Variants in ZMIZ1 observed in about 807,000 individuals in gnomAD.
ZMIZ1 encodes the protein zinc finger MIZ-type containing 1, also known as zinc finger MIZ domain-containing protein 1.
In ZMIZ1, 17 loss-of-function variants were observed where a neutral mutation model predicts 113.9. The ratio of observed to expected loss-of-function variants is 0.15; its 90% CI spans 0.10 to 0.22. ZMIZ1 has a LOEUF of 0.22. Among genes scored for constraint, ZMIZ1 ranks in the 10% least tolerant of loss-of-function variants. The pLI, the probability that ZMIZ1 is intolerant of heterozygous loss-of-function variation, is 1.00. For synonymous variants in ZMIZ1, 607 were observed against 603.1 expected (o/e 1.01, Z -0.09); for missense variants, 1,059 against 1,477.8 (o/e 0.72, Z 4.65).
At chr10:79,195,241 G>A (rs1233099596) in intron 4 of ZMIZ1, among the ~76,000 whole-genome samples, 1 of 152,238 alleles carries the variant, frequency 6.6e-6, no homozygotes, top group Admixed American at 6.5e-5. Context: ...GCCCGATCCT[G>A]TGCTTTGCAG....
intron 1 of ZMIZ1, among the ~76,000 whole-genome samples, chr10:79,113,123 C>T (rs1227217608): frequency 6.6e-6 from 1 of 152,168 alleles, no homozygotes; most frequent in Non-Finnish European, 1.5e-5. Context: ...CCTGGCCTGC[C>T]TTCGGAGCCT....
At chr10:79,180,171 C>G (rs1328921193) in intron 4 of ZMIZ1, among the ~76,000 whole-genome samples, 1 of 152,194 alleles carries the variant, frequency 6.6e-6, no homozygotes, top group African/African-American at 2.4e-5. Context: ...CAGGGACAGC[C>G]CTCAGGGGGC....
intron 18 of ZMIZ1, among the ~76,000 whole-genome samples, chr10:79,302,926 A>G (rs1167377167): frequency 7.1e-6 from 1 of 140,032 alleles, no homozygotes; most frequent in African/African-American, 2.7e-5. Flanking sequence ...CAGTGGTGCT[A>G]TCTCCGCTCA....
At chr10:79,076,678 A>G (rs1257278249) in intron 1 of ZMIZ1, among the ~76,000 whole-genome samples, 2 of 152,140 alleles carry the variant, frequency 1.3e-5, no homozygotes, top group African/African-American at 2.4e-5. Flanking sequence ...TGCTAAAGAT[A>G]CAAAAATTAT....
At chr10:79,213,532 G>C (rs1365913664) in intron 6 of ZMIZ1, among the ~76,000 whole-genome samples, 1 of 152,198 alleles carries the variant, frequency 6.6e-6, no homozygotes, top group East Asian at 1.9e-4. Context: ...CCACCCGGCT[G>C]GCCCTTAGAG....
intron 15 of ZMIZ1, 31 bp from the exon 16 acceptor site, chr10:79,299,019 G>A (rs1359835147): frequency 6.3e-7 from 1 of 1,584,652 alleles, no homozygotes; most frequent in Non-Finnish European, 8.6e-7. Flanking sequence ...GCTGAGGCTT[G>A]TGGCTCACCC....
At chr10:79,158,201 G>A (rs1296407317) in intron 3 of ZMIZ1, among the ~76,000 whole-genome samples, 1 of 152,172 alleles carries the variant, frequency 6.6e-6, no homozygotes, top group African/African-American at 2.4e-5. Context: ...CAGCTATCAG[G>A]GCCAAGGCAC....
At position 79,312,568 on chromosome 10, in the gene ZMIZ1, G is replaced by T. The variant is rs1037414894; in HGVS notation, c.3097-74G>T. 3 of 1,506,812 alleles carry T rather than the reference G, an allele frequency of 2.0e-6. No homozygotes were observed. In the African/African-American group the frequency reaches 4.1e-5, roughly 21 times the overall value. 93.3% of individuals were successfully genotyped at this position (1,506,812 alleles called of 1,614,324 possible). ...CAGGTGGAGGGGGACGGGCCAGGGC[G>T]CCCCTGCATTCCTCACCCGGGGCCT... On this transcript the variant is annotated intron_variant, in intron 24 of 24. Transcript: ENST00000334512.
intron 1 of ZMIZ1, among the ~76,000 whole-genome samples, chr10:79,081,038 C>T (rs1336705472): frequency 6.6e-6 from 1 of 152,188 alleles, no homozygotes; most frequent in Non-Finnish European, 1.5e-5. Flanking sequence ...CCCCATAGAG[C>T]ACCTTCCCAT....
chr10:79,277,374 G>T, intron 8 of ZMIZ1, 49 bp downstream of exon 8: 1 of 1,517,600 alleles, frequency 6.6e-7, no homozygotes, highest in Non-Finnish European at 8.8e-7. Flanking sequence ...ACACCCCTCT[G>T]GTCTCAGATC....
chr10:79,280,872 A>C (rs1024258907), intron 8 of ZMIZ1, among the ~76,000 whole-genome samples: 6 of 152,158 alleles, frequency 3.9e-5, no homozygotes, highest in Non-Finnish European at 5.9e-5. Flanking sequence ...GCCGCTGAGC[A>C]CAGGCTGCAG....
intron 1 of ZMIZ1, among the ~76,000 whole-genome samples, chr10:79,093,698 T>C (rs936435985): frequency 5.9e-5 from 9 of 152,206 alleles, no homozygotes; most frequent in South Asian, 4.2e-4. Flanking sequence ...CAGAAGGCGT[T>C]TTAGGCAGGA....
At chr10:79,293,990 T>C in intron 12 of ZMIZ1, 1 of 402,512 alleles carries the variant, frequency 2.5e-6, no homozygotes, top group Non-Finnish European at 4.7e-6. Flanking sequence ...AGCCACTAAC[T>C]GGGTGACCTG....
intron 4 of ZMIZ1, among the ~76,000 whole-genome samples, chr10:79,179,391 A>G (rs1358548304): frequency 6.6e-6 from 1 of 152,240 alleles, no homozygotes. Context: ...TACTAGAGTA[A>G]GAGAGGTGAG....
intron 7 of ZMIZ1, among the ~76,000 whole-genome samples, chr10:79,259,130 T>C (rs995337439): frequency 3.9e-5 from 6 of 152,294 alleles, no homozygotes; most frequent in African/African-American, 1.4e-4. Context: ...GATGTGAGCT[T>C]TGTTAAATGT....
Position 79,173,364 on chromosome 10 carries a change from A to G in ZMIZ1, c.-50+11231A>G, listed in dbSNP as rs551458444. Among the ~76,000 whole-genome samples, 407 of 152,206 alleles carry G rather than the reference A, an allele frequency of 2.7e-3. 1 individual carries two copies. The highest frequency in any genetic ancestry group is 8.4e-3 in the African/African-American group (349 of 41,532). ...TGTGTGACCCAAGACAATTCTTCCA[A>G]TGTGGCCCAGGGAAGCCAAAAGATT... is the stretch of plus-strand genomic sequence containing the variant. On this transcript the variant is annotated intron_variant, in intron 4 of 24. Transcript: ENST00000334512.
intron 1 of ZMIZ1, among the ~76,000 whole-genome samples, chr10:79,074,399 C>T: frequency 6.6e-6 from 1 of 152,156 alleles, no homozygotes; most frequent in East Asian, 1.9e-4. Flanking sequence ...CTGTCTTCCC[C>T]CTCCCATATG....
At position 79,291,087 on chromosome 10, in the gene ZMIZ1, C is replaced by G; in HGVS notation, c.669C>G (p.Phe223Leu). Residue 223 changes from phenylalanine to leucine, a missense_variant, in exon 10 of 25, where the codon TTC becomes TTG. Phe to Leu is a conservative substitution (Grantham distance 22). Around this residue, in one of 6 missense-constraint regions of ZMIZ1, gnomAD observed 272 missense variants for 350.4 expected, o/e 0.78. Coordinates refer to ENST00000334512, the MANE Select transcript of ZMIZ1 (RefSeq NM_020338.4). ...SPQFAGQQQQ[F>L]SAKAGPAQPY... is the part of the protein sequence containing the mutation. ...AGTTTGCGGGGCAGCAGCAGCAGTT[C>G]TCAGCCAAGGCTGGCCCCGCTCAGC... 1 of 1,614,266 alleles carries G rather than the reference C, an allele frequency of 6.2e-7. No homozygotes were observed. The highest frequency in any genetic ancestry group is 1.1e-5 in the South Asian group (1 of 91,088).
chr10:79,134,460 C>G (rs1185656173), intron 2 of ZMIZ1, among the ~76,000 whole-genome samples: 2 of 152,224 alleles, frequency 1.3e-5, no homozygotes, highest in Non-Finnish European at 2.9e-5. Context: ...GAGGACCAGA[C>G]TCCAACTCAT....
Sources: allele counts gnomAD v4.1 joint callset (sites outside exome capture counted in the v4.1 genomes callset), GRCh38; gene constraint gnomAD v4.1.1; regional missense constraint gnomAD v4.1.1; transcripts MANE v1.5; gene names NCBI Gene and HGNC (gene_info 2026-07-23, HGNC 2026-07-21).